MAML3: variants seen among roughly 807,000 people sequenced by gnomAD.
MAML3 encodes the protein mastermind-like protein 3.
In MAML3, 27 loss-of-function variants were observed where a neutral mutation model predicts 101.9. The ratio of observed to expected loss-of-function variants is 0.27; its 90% CI spans 0.20 to 0.37. MAML3 has a LOEUF of 0.37. Ranked by LOEUF, MAML3 falls within the 10% of genes least tolerant of loss-of-function variation. The pLI, the probability that MAML3 is intolerant of heterozygous loss-of-function variation, is 1.00. For synonymous variants in MAML3, 501 were observed against 555.9 expected, an observed-to-expected ratio of 0.90 and a Z score of 1.39; for missense variants, 1,316 against 1,444.9, an observed-to-expected ratio of 0.91 and a Z score of 1.45.
chr4:140,066,976 T>C (rs1212082990), intron 1 of MAML3, among the ~76,000 whole-genome samples: 1 of 152,222 alleles, frequency 6.6e-6, no homozygotes. Flanking sequence ...TTTCCAATCT[T>C]TTATGTAAAT....
rs1358775237 is a variant in MAML3 at position 139,878,218 on chromosome 4, AACTCCT to A, written c.2079+11133_2079+11138del. On this transcript the variant is annotated intron_variant, in intron 2 of 4. Transcript: ENST00000509479. ...CTTTCTACCCACCCTCTATCCCGCCAACTCCTACTCATTCTTGGTCTATCTCGAAGC... is the reference window on the plus strand; with the variant it reads ...CTTTCTACCCACCCTCTATCCCGCCAACTCATTCTTGGTCTATCTCGAAGC... Among the ~76,000 whole-genome samples the A allele has an allele frequency of 2.6e-5, 4 of 152,060 alleles. No homozygotes were observed. In the South Asian group the frequency reaches 6.2e-4, roughly 24 times the overall value.
chr4:140,113,186 G>A (rs1728466477), intron 1 of MAML3, among the ~76,000 whole-genome samples: 1 of 152,288 alleles, frequency 6.6e-6, no homozygotes, highest in Non-Finnish European at 1.5e-5. Context: ...GGCTGAGGCA[G>A]GGGAATGGTA....
chr4:140,107,928 G>A (rs1261453835), intron 1 of MAML3, among the ~76,000 whole-genome samples: 2 of 149,802 alleles, frequency 1.3e-5, no homozygotes, highest in Non-Finnish European at 1.5e-5. Context: ...AGAAATGGGG[G>A]AAGAAAAAAA....
At chr4:139,870,955 G>A (rs1340880055) in intron 2 of MAML3, among the ~76,000 whole-genome samples, 1 of 152,214 alleles carries the variant, frequency 6.6e-6, no homozygotes, top group African/African-American at 2.4e-5. Flanking sequence ...CCATTAGTTA[G>A]AACTACCTAG....
chr4:139,957,059 C>T (rs554997353), intron 1 of MAML3, among the ~76,000 whole-genome samples: 5 of 152,312 alleles, frequency 3.3e-5, no homozygotes, highest in South Asian at 2.1e-4. Context: ...ACTTGTCCAA[C>T]GTCACACAGC....
At chr4:140,057,677 G>T (rs1295280943) in intron 1 of MAML3, among the ~76,000 whole-genome samples, 3 of 152,150 alleles carry the variant, frequency 2.0e-5, no homozygotes, top group African/African-American at 7.2e-5. Flanking sequence ...ATAATGGGCT[G>T]CAATTCAATT....
Position 139,743,630 on chromosome 4 carries a change from A to G in MAML3, c.2080-12963T>C, listed in dbSNP as rs564266822. ...ATGACAAACCTGGAAACTGAACTTG[A>G]AATCTGTCTCAGATCCCAAGGATAC... On this transcript the variant is annotated intron_variant, in intron 2 of 4. Coordinates refer to ENST00000509479, the MANE Select transcript of MAML3 (RefSeq NM_018717.5). Among the ~76,000 whole-genome samples, 3 of 152,294 alleles carry G rather than the reference A, an allele frequency of 2.0e-5. No individual in the cohort carries two copies. In the South Asian group the frequency reaches 6.2e-4, roughly 32 times the overall value.
intron 2 of MAML3, among the ~76,000 whole-genome samples, chr4:139,850,628 GA>G (rs1731530975): frequency 6.9e-6 from 1 of 144,082 alleles, no homozygotes; most frequent in Non-Finnish European, 1.5e-5. Context: ...CTGCTTTCCG[GA>G]CTTAAACGAC....
At chr4:139,729,767 G>A (rs550408792) in intron 3 of MAML3, among the ~76,000 whole-genome samples, 32 of 152,318 alleles carry the variant, frequency 2.1e-4, no homozygotes, top group Non-Finnish European at 3.1e-4. Context: ...GGAATTATAG[G>A]GCGAGGGTGG....
intron 2 of MAML3, among the ~76,000 whole-genome samples, chr4:139,819,015 G>A (rs1448653153): frequency 6.6e-6 from 1 of 152,114 alleles, no homozygotes; most frequent in Admixed American, 6.5e-5. Context: ...GGCATCAGAG[G>A]CGCACGCAAA....
chr4:140,085,482 A>C (rs1156247939), intron 1 of MAML3, among the ~76,000 whole-genome samples: 1 of 152,130 alleles, frequency 6.6e-6, no homozygotes, highest in African/African-American at 2.4e-5. Context: ...AAGGTTCTCT[A>C]CTTTGCCCCC....
rs1393548921 is a variant in MAML3 at position 139,974,532 on chromosome 4, T to C, written c.469-83565A>G. On this transcript the variant is annotated intron_variant, in intron 1 of 4. Coordinates refer to ENST00000509479, the MANE Select transcript of MAML3 (RefSeq NM_018717.5). ...CTTATAATTTCATTGAGAAAGGCAG[T>C]GTACACATTAAACAGCTAGTTGAGC... Among the ~76,000 whole-genome samples the C allele has an allele frequency of 2.0e-5, 3 of 152,300 alleles. No individual in the cohort carries two copies. The East Asian group carries it at 5.8e-4, about 29-fold the overall frequency.
At chr4:139,763,231 G>T (rs1729790059) in intron 2 of MAML3, among the ~76,000 whole-genome samples, 1 of 152,182 alleles carries the variant, frequency 6.6e-6, no homozygotes, top group African/African-American at 2.4e-5. Context: ...CACCTGGAAA[G>T]ATTTTAACAT....
In MAML3 at chr4:139,852,401, CTGTTTT is replaced by C. The variant is rs1419332483; in HGVS notation, c.2079+36950_2079+36955del. On this transcript the variant is annotated intron_variant, in intron 2 of 4. Coordinates refer to ENST00000509479, the MANE Select transcript of MAML3 (RefSeq NM_018717.5). Reference sequence around the variant, plus strand: ...CCAAAGCTCACCAAAATTCAGAAGACTGTTTTTTTTTTTTTTTTTTTTTTTTTTTGA... The same window carrying C: ...CCAAAGCTCACCAAAATTCAGAAGACTTTTTTTTTTTTTTTTTTTTTTTGA... Among the ~76,000 whole-genome samples, 365 of 126,270 alleles carry C rather than the reference CTGTTTT, an allele frequency of 2.9e-3. 8 individuals are homozygous for C. Among genetic ancestry groups the C allele is most frequent in the East Asian group, 0.011 (48 of 4,390 alleles). The allele number at this position is 126,270 out of a possible 152,430, so 82.8% of individuals were successfully genotyped here. A position where few individuals can be genotyped will look rare whatever the true frequency, so the allele number is the denominator to read the frequency against.
intron 1 of MAML3, among the ~76,000 whole-genome samples, chr4:139,929,131 C>A (rs1292704748): frequency 2.6e-5 from 4 of 152,092 alleles, no homozygotes; most frequent in Non-Finnish European, 4.4e-5. Context: ...CCCCCAAATG[C>A]AGAGTTGAGA....
At chr4:140,029,298 A>G (rs1338349852) in intron 1 of MAML3, among the ~76,000 whole-genome samples, 1 of 152,252 alleles carries the variant, frequency 6.6e-6, no homozygotes, top group East Asian at 1.9e-4. Flanking sequence ...TCCCTTGAAC[A>G]CTGCCACTGC....
At chr4:139,826,447 G>C (rs756686765) in intron 2 of MAML3, among the ~76,000 whole-genome samples, 1 of 152,170 alleles carries the variant, frequency 6.6e-6, no homozygotes, top group African/African-American at 2.4e-5. Context: ...TTATGAACAC[G>C]AATCGCATAA....
At chr4:139,865,813 G>A (rs988233021) in intron 2 of MAML3, among the ~76,000 whole-genome samples, 3 of 152,222 alleles carry the variant, frequency 2.0e-5, no homozygotes, top group African/African-American at 2.4e-5. Flanking sequence ...GTCTACCACC[G>A]CAAGTAGTCT....
At chr4:139,779,209 C>A (rs144348050) in intron 2 of MAML3, among the ~76,000 whole-genome samples, 458 of 152,114 alleles carry the variant, frequency 3.0e-3, no homozygotes, top group Non-Finnish European at 4.5e-3. Flanking sequence ...TATTTTTGCC[C>A]TAATTTCCCT....
Sources: gnomAD v4.1 joint callset for allele counts (sites outside exome capture counted in the v4.1 genomes callset) on GRCh38, gnomAD v4.1.1 for gene constraint, MANE v1.5 for transcripts, NCBI Gene and HGNC (gene_info 2026-07-23, HGNC 2026-07-21) for gene names.